The following SNAP23 variants were observed in gnomAD, a reference collection of about 807,000 sequenced individuals.
SNAP23 encodes synaptosomal-associated protein 23.
SNAP23 carries 11 observed loss-of-function variants against 29.0 expected under a neutral mutation model. That is an observed-to-expected ratio of 0.38 (90% CI 0.24 to 0.63). SNAP23 has a LOEUF of 0.63. SNAP23 is among the 20% of genes least tolerant of loss of function. The pLI is 0.58. For missense variants in SNAP23, 220 were observed against 253.9 expected, an observed-to-expected ratio of 0.87 and a Z score of 0.91; for synonymous variants, 60 against 82.9, an observed-to-expected ratio of 0.72 and a Z score of 1.50.
At chr15:42,514,653 A>G (rs1362379822) in intron 4 of SNAP23, among the ~76,000 whole-genome samples, 2 of 151,852 alleles carry the variant, frequency 1.3e-5, no homozygotes, top group Non-Finnish European at 2.9e-5. Flanking sequence ...ACTTGGTTGT[A>G]AGGATGATCT....
At chr15:42,506,333 G>T (rs1233307907) in intron 1 of SNAP23, among the ~76,000 whole-genome samples, 1 of 151,974 alleles carries the variant, frequency 6.6e-6, no homozygotes, top group Non-Finnish European at 1.5e-5. Flanking sequence ...GAACTCCCAG[G>T]CTCAAGTGAA....
At position 42,523,313 on chromosome 15, in the gene SNAP23, A is replaced by G. The variant is rs539914818; in HGVS notation, c.267-4949A>G. 1.5e-4 allele frequency among the ~76,000 whole-genome samples: 23 copies of G among 152,326 alleles called. 1 individual carries two copies. In the South Asian group the frequency reaches 2.1e-3, roughly 14 times the overall value. ...AAATTTACTTAGGCATTTTATCATG[A>G]AGACTAATTTCTTCCCAGAGGGGCT... On this transcript the variant is annotated intron_variant, in intron 5 of 7. Transcript: ENST00000249647.
At chr15:42,497,294 C>T (rs990825296) in intron 1 of SNAP23, among the ~76,000 whole-genome samples, 3 of 151,290 alleles carry the variant, frequency 2.0e-5, no homozygotes, top group Non-Finnish European at 2.9e-5. Flanking sequence ...CTGCGACCTC[C>T]GCCTCCCAGG....
At chr15:42,525,723 A>G (rs1423535442) in intron 5 of SNAP23, among the ~76,000 whole-genome samples, 1 of 151,868 alleles carries the variant, frequency 6.6e-6, no homozygotes, top group Non-Finnish European at 1.5e-5. Context: ...CGGCCTCCCA[A>G]AGTGCTGGTA....
At chr15:42,496,875 G>A (rs2057223803) in intron 1 of SNAP23, among the ~76,000 whole-genome samples, 1 of 152,096 alleles carries the variant, frequency 6.6e-6, no homozygotes, top group South Asian at 2.1e-4. Context: ...TCACAGGATG[G>A]CAGGAGAGAG....
chr15:42,508,327 G>A (rs561972063), intron 1 of SNAP23, among the ~76,000 whole-genome samples: 63 of 151,750 alleles, frequency 4.2e-4, no homozygotes, highest in African/African-American at 1.4e-3. Context: ...CAAAACTCCC[G>A]TCTACAGAGG....
intron 5 of SNAP23, among the ~76,000 whole-genome samples, chr15:42,524,155 T>G (rs1028878233): frequency 2.0e-5 from 3 of 152,096 alleles, no homozygotes; most frequent in African/African-American, 7.2e-5. Context: ...TCCCTTTGCT[T>G]CTTCTAGATT....
In SNAP23 at chr15:42,502,267, G is replaced by A. The variant is rs28402077; in HGVS notation, c.-15+6554G>A. 9.8e-3 allele frequency among the ~76,000 whole-genome samples: 1,488 copies of A among 152,120 alleles called. 30 individuals carry two copies. The highest frequency in any genetic ancestry group is 0.035 in the African/African-American group (1,436 of 41,486). On this transcript the variant is annotated intron_variant, in intron 1 of 7. Transcript: ENST00000249647. Reference sequence around the variant, plus strand: ...TCTCGATCTCCTGACCTCGTGATCCGCCTGCCTCAGCCTCCCAAAGTGCTG... The same window carrying A: ...TCTCGATCTCCTGACCTCGTGATCCACCTGCCTCAGCCTCCCAAAGTGCTG...
chr15:42,504,645 T>C (rs1166546159), intron 1 of SNAP23, among the ~76,000 whole-genome samples: 5 of 152,080 alleles, frequency 3.3e-5, no homozygotes, highest in African/African-American at 9.7e-5. Context: ...TTTGTGTAGA[T>C]CATCTCTTTT....
upstream of SNAP23, among the ~76,000 whole-genome samples, chr15:42,491,960 T>TA (rs1218787299): frequency 6.6e-6 from 1 of 152,002 alleles, no homozygotes; most frequent in Non-Finnish European, 1.5e-5. Flanking sequence ...GTTCAGGCTG[T>TA]AGTGCAGAAC....
chr15:42,529,591 G>T (rs1311893648), intron 6 of SNAP23, 84 bp from the exon 7 acceptor site: 10 of 1,384,674 alleles, frequency 7.2e-6, no homozygotes, highest in South Asian at 2.5e-5. Context: ...GAGTCATTTT[G>T]GTTACTTACT....
chr15:42,507,855 T>A (rs944359121), intron 1 of SNAP23, among the ~76,000 whole-genome samples: 11 of 152,068 alleles, frequency 7.2e-5, no homozygotes, highest in African/African-American at 2.4e-4. Context: ...TTGAACAACA[T>A]GGGCTTGAAC....
chr15:42,516,424 G>C (rs2057397458), intron 5 of SNAP23, among the ~76,000 whole-genome samples: 1 of 152,158 alleles, frequency 6.6e-6, no homozygotes, highest in African/African-American at 2.4e-5. Context: ...CCGTCTCCTG[G>C]GTTCAAGTGA....
At chr15:42,524,793 G>A (rs2057482971) in intron 5 of SNAP23, among the ~76,000 whole-genome samples, 1 of 151,754 alleles carries the variant, frequency 6.6e-6, no homozygotes, top group African/African-American at 2.4e-5. Flanking sequence ...TTATATTTGT[G>A]AACATTTTTT....
chr15:42,514,499 A>C (rs2057383123), intron 4 of SNAP23, among the ~76,000 whole-genome samples: 1 of 152,098 alleles, frequency 6.6e-6, no homozygotes. Flanking sequence ...TCTAAAACAG[A>C]TCTAGATTCA....
intron 1 of SNAP23, among the ~76,000 whole-genome samples, chr15:42,500,637 G>GCGTTGACCT (rs1343333780): frequency 6.6e-6 from 1 of 152,084 alleles, no homozygotes; most frequent in Non-Finnish European, 1.5e-5. Flanking sequence ...TGATCTGCCT[G>GCGTTGACCT]CGTTGACCTC....
intron 3 of SNAP23, 44 bp from the exon 4 acceptor site, chr15:42,513,355 T>G (rs2057372832): frequency 6.4e-7 from 1 of 1,561,076 alleles, no homozygotes; most frequent in Non-Finnish European, 8.8e-7. Context: ...CTGTTGTTTT[T>G]GGTTTGTTTT....
intron 1 of SNAP23, among the ~76,000 whole-genome samples, chr15:42,501,471 C>T (rs984636997): frequency 1.4e-4 from 21 of 152,174 alleles, no homozygotes. Flanking sequence ...ATGATCATAG[C>T]TCGCTGCAGC....
chr15:42,505,637 C>A (rs2057310954), intron 1 of SNAP23: 1 of 150,092 alleles, frequency 6.7e-6, no homozygotes, highest in African/African-American at 2.5e-5. Context: ...CTCACTGCGA[C>A]CTTTGCCTCT....
Sources: allele counts gnomAD v4.1 joint callset (sites outside exome capture counted in the v4.1 genomes callset), GRCh38; gene constraint gnomAD v4.1.1; transcripts MANE v1.5; gene names NCBI Gene and HGNC (gene_info 2026-07-23, HGNC 2026-07-21).